The following DEAF1 variants were observed in gnomAD, a reference collection of about 807,000 sequenced individuals.
DEAF1 encodes DEAF1 transcription factor.
In DEAF1, 53 loss-of-function variants were observed where a neutral mutation model predicts 58.9. The ratio of observed to expected loss-of-function variants is 0.90; its 90% CI spans 0.72 to 1.13. The LOEUF (loss-of-function observed/expected upper bound fraction) is 1.13, where lower values mean the gene tolerates loss of function less well. Among genes scored for constraint, DEAF1 ranks in the 50% most tolerant of loss-of-function variants. The pLI, the probability that DEAF1 is intolerant of heterozygous loss-of-function variation, is 0.00. For missense variants in DEAF1, 685 were observed against 791.4 expected (o/e 0.87, Z 1.61); for synonymous variants, 385 against 340.4 (o/e 1.13, Z -1.44).
chr11:700,474 C>A (rs1861399333), intron 1 of DEAF1: 4 of 795,762 alleles, frequency 5.0e-6, no homozygotes, highest in Non-Finnish European at 8.5e-6. Context: ...TTCCAGTGAG[C>A]CAAGATTGCG....
chr11:685,082 CTTT>C (rs55670454), intron 5 of DEAF1, 119 bp from the exon 6 acceptor site: 843 of 356,140 alleles, frequency 2.4e-3, no homozygotes, highest in Middle Eastern at 3.8e-3. Flanking sequence ...TATAAAAATT[CTTT>C]TTTTTTTTTT....
intron 10 of DEAF1, among the ~76,000 whole-genome samples, chr11:668,657 A>G (rs188371886): frequency 6.6e-6 from 1 of 152,114 alleles, no homozygotes; most frequent in African/African-American, 2.4e-5. Flanking sequence ...CCCTCTCTCT[A>G]TGAAAAATAC....
chr11:705,225 C>A lies in DEAF1; in HGVS notation c.-438+1347G>T, dbSNP rs1390574185. The A allele has an allele frequency of 3.1e-5, 5 of 163,392 alleles. No homozygotes were observed. In the East Asian group the frequency reaches 9.2e-4, roughly 30 times the overall value. 10.1% of individuals were successfully genotyped at this position (163,392 alleles called of 1,614,324 possible). Reference sequence around the variant, plus strand: ...GACTCTTGGCCACGCTCATTCCCACCCCTACCCAGGACCGGCAGCCGGAGC... The same window carrying A: ...GACTCTTGGCCACGCTCATTCCCACACCTACCCAGGACCGGCAGCCGGAGC... On this transcript the variant is annotated intron_variant, in intron 1 of 11. Transcript: ENST00000683307.
intron 1 of DEAF1, chr11:700,489 T>C (rs1861400160): frequency 1.2e-6 from 1 of 840,408 alleles, no homozygotes; most frequent in South Asian, 1.4e-5. Context: ...ATTGCGCCAC[T>C]GAACTCCATC....
chr11:685,257 G>C (rs535470337), intron 5 of DEAF1, among the ~76,000 whole-genome samples: 5 of 151,800 alleles, frequency 3.3e-5, no homozygotes, highest in Non-Finnish European at 5.9e-5. Context: ...GCTAATTTTT[G>C]TATTTTTAGT....
chr11:644,448 C>A lies in DEAF1; in HGVS notation c.*102G>T. On this transcript the variant is annotated 3_prime_UTR_variant, in exon 12 of 12. Transcript: ENST00000382409. This position sits in a 1 kb window ranked among gnomAD's most constrained non-coding sequence, Gnocchi z 4.3. ...GCAAGTTTCTTTACCTTCCCACACC[C>A]CTCTTCTCAACGTCCCCCCAGAGTC... 1 of 846,484 alleles carries A rather than the reference C, an allele frequency of 1.2e-6. No homozygotes were observed. Among genetic ancestry groups the A allele is most frequent in the South Asian group, 1.4e-5 (1 of 70,898 alleles). 52.4% of individuals were successfully genotyped at this position (846,484 alleles called of 1,614,324 possible).
rs549653189 is a variant in DEAF1, at chr11:665,568, G to A, written c.1503+8968C>T. Reference sequence around the variant, plus strand: ...GGCTGTCTACCAAACGGGATTTTAAGGATAAAGGGATTTCATGCCACATTT... The same window carrying A: ...GGCTGTCTACCAAACGGGATTTTAAAGATAAAGGGATTTCATGCCACATTT... On this transcript the variant is annotated intron_variant, in intron 10 of 11. Coordinates refer to ENST00000382409, the MANE Select transcript of DEAF1 (RefSeq NM_021008.4). 3.3e-4 allele frequency among the ~76,000 whole-genome samples: 50 copies of A among 152,310 alleles called. 1 individual carries two copies. Among genetic ancestry groups the A allele is most frequent in the African/African-American group, 1.2e-3 (50 of 41,560 alleles).
chr11:666,956 T>C (rs983575614), intron 10 of DEAF1, among the ~76,000 whole-genome samples: 39 of 151,778 alleles, frequency 2.6e-4, no homozygotes, highest in Non-Finnish European at 2.9e-4. Flanking sequence ...CCCAGTACTT[T>C]AGGAGGCCAA....
chr11:654,041 A>T lies in DEAF1; in HGVS notation c.1514T>A (p.Val505Asp). The T allele has an allele frequency of 6.2e-7, 1 of 1,613,456 alleles. No individual in the cohort carries two copies. The highest frequency in any genetic ancestry group is 1.1e-5 in the South Asian group (1 of 91,068). ...GCTCATAGCCTCCCGGCCGCAGTTAACGCAGGACTGCTGCAAGAAGGACAC... is the reference window on the plus strand; with the variant it reads ...GCTCATAGCCTCCCGGCCGCAGTTATCGCAGGACTGCTGCAAGAAGGACAC... ...ADAERKEQSC[V>D]NCGREAMSEC... The change falls in exon 11 of 12, where the codon GTT (valine) becomes GAT (aspartate). Residue 505 changes from valine (V) to aspartate (D), a missense_variant. Physicochemically the swap from Val to Asp is radical, Grantham distance 152 (BLOSUM62 -3). Around this residue, in one of 3 missense-constraint regions of DEAF1, gnomAD observed 343 missense variants for 379.8 expected, o/e 0.90. Transcript: ENST00000382409.
intron 10 of DEAF1, among the ~76,000 whole-genome samples, chr11:666,976 G>A (rs1035620750): frequency 1.3e-5 from 2 of 151,912 alleles, no homozygotes; most frequent in African/African-American, 4.8e-5. Context: ...AGGAAGGTGG[G>A]TTGCTTGAGT....
chr11:698,970 G>A (rs1484274971), upstream of DEAF1: 10 of 1,556,576 alleles, frequency 6.4e-6, no homozygotes, highest in African/African-American at 2.7e-5. Context: ...CTCACCCCAC[G>A]TTTTCCCTAA....
intron 10 of DEAF1, among the ~76,000 whole-genome samples, chr11:662,316 T>C (rs898864087): frequency 6.6e-6 from 1 of 152,202 alleles, no homozygotes; most frequent in African/African-American, 2.4e-5. Flanking sequence ...ATTTTTAATG[T>C]GTGGCCCAAT....
At chr11:703,806 C>A in intron 1 of DEAF1, 1 of 1,233,098 alleles carries the variant, frequency 8.1e-7, no homozygotes, top group African/African-American at 1.5e-5. Context: ...TCAGGGGCTT[C>A]GGAGGAGAGG....
chr11:693,072 C>T (rs765441557), intron 1 of DEAF1, among the ~76,000 whole-genome samples: 13 of 152,212 alleles, frequency 8.5e-5, no homozygotes, highest in African/African-American at 1.4e-4. Flanking sequence ...CTGGAAACCA[C>T]TTGACGTCAG....
At chr11:660,901 G>C (rs2133317449) in intron 10 of DEAF1, among the ~76,000 whole-genome samples, 1 of 152,318 alleles carries the variant, frequency 6.6e-6, no homozygotes, top group African/African-American at 2.4e-5. Context: ...GGTGTTGGGA[G>C]AGGCCCCCGC....
At chr11:653,315 TC>T (rs1858877478) in intron 11 of DEAF1, among the ~76,000 whole-genome samples, 154 of 121,960 alleles carry the variant, frequency 1.3e-3, no homozygotes, top group Middle Eastern at 0.011. Context: ...AGTCTCTCTC[TC>T]GCGTGGCTCT....
At chr11:703,859 C>T (rs551336616) in intron 1 of DEAF1, 17 of 1,236,786 alleles carry the variant, frequency 1.4e-5, no homozygotes, top group South Asian at 4.1e-5. Flanking sequence ...GAGAGAGCAG[C>T]GGAGGGCCAC....
chr11:685,293 A>C (rs1860544437), intron 5 of DEAF1, among the ~76,000 whole-genome samples: 1 of 152,098 alleles, frequency 6.6e-6, no homozygotes, highest in Non-Finnish European at 1.5e-5. Flanking sequence ...CATGTTGACC[A>C]GGCTGGTCTC....
intron 2 of DEAF1, among the ~76,000 whole-genome samples, chr11:690,388 A>G (rs1372348647): frequency 1.6e-5 from 2 of 125,808 alleles, no homozygotes; most frequent in Admixed American, 9.3e-5. Context: ...GGGGGTTTCC[A>G]AGTTTCTTAT....
Sources: gnomAD v4.1 joint callset for allele counts (sites outside exome capture counted in the v4.1 genomes callset) on GRCh38, gnomAD v4.1.1 for gene constraint, gnomAD v4.1.1 regional missense constraint, Gnocchi (gnomAD v3.1) non-coding constraint, MANE v1.5 for transcripts, NCBI Gene and HGNC (gene_info 2026-07-23, HGNC 2026-07-21) for gene names.